The following DEPDC5 variants were observed in gnomAD, a reference collection of about 807,000 sequenced individuals.
The protein encoded by DEPDC5 is GATOR1 complex protein DEPDC5.
In DEPDC5, 73 loss-of-function variants were observed where a neutral mutation model predicts 217.3. The observed-to-expected ratio is 0.34, with a 90% CI of 0.28 to 0.41. The LOEUF (loss-of-function observed/expected upper bound fraction) is 0.41, where lower values mean the gene tolerates loss of function less well. Among genes scored for constraint, DEPDC5 ranks in the 10% least tolerant of loss-of-function variants. The probability of loss-of-function intolerance (pLI) is 1.00; values close to 1 mark genes in which losing one functional copy is unlikely to be tolerated. For missense variants in DEPDC5, 1,675 were observed against 2,070.1 expected, an observed-to-expected ratio of 0.81 and a Z score of 3.70; for synonymous variants, 733 against 756.7, an observed-to-expected ratio of 0.97 and a Z score of 0.51.
intron 12 of DEPDC5, among the ~76,000 whole-genome samples, chr22:31,796,099 CTTTT>C (rs60336012): frequency 2.4e-5 from 3 of 127,534 alleles, no homozygotes; most frequent in African/African-American, 3.1e-5. Context: ...TCCACAGTAT[CTTTT>C]TTTTTTTTTT....
intron 33 of DEPDC5, among the ~76,000 whole-genome samples, chr22:31,868,348 A>G (rs1040003228): frequency 1.3e-5 from 2 of 152,218 alleles, no homozygotes; most frequent in Non-Finnish European, 2.9e-5. Flanking sequence ...TGCACAGGAC[A>G]GCCCCCCACA....
intron 31 of DEPDC5, among the ~76,000 whole-genome samples, chr22:31,855,488 T>C (rs2092250905): frequency 6.6e-6 from 1 of 151,708 alleles, no homozygotes; most frequent in South Asian, 2.1e-4. Context: ...GCCATTCTCC[T>C]GCCTCAGCCT....
At chr22:31,848,348 G>C (rs1307913962) in intron 31 of DEPDC5, among the ~76,000 whole-genome samples, 1 of 152,202 alleles carries the variant, frequency 6.6e-6, no homozygotes, top group African/African-American at 2.4e-5. Context: ...TGCCCTAGCA[G>C]AGGTTCTCCA....
At chr22:31,799,901 C>T (rs879640569) in intron 14 of DEPDC5, among the ~76,000 whole-genome samples, 2 of 141,284 alleles carry the variant, frequency 1.4e-5, no homozygotes, top group East Asian at 4.4e-4. Flanking sequence ...CTCCCAGGTT[C>T]AAGCGATTCT....
intron 31 of DEPDC5, among the ~76,000 whole-genome samples, chr22:31,854,587 T>G (rs2092193524): frequency 6.6e-6 from 1 of 152,226 alleles, no homozygotes; most frequent in South Asian, 2.1e-4. Flanking sequence ...TAGTCTCTGA[T>G]GAATGAATGG....
intron 38 of DEPDC5, among the ~76,000 whole-genome samples, chr22:31,883,834 C>A (rs1390346788): frequency 1.3e-5 from 2 of 152,142 alleles, no homozygotes; most frequent in Non-Finnish European, 2.9e-5. Context: ...GTGGCTTCTG[C>A]CCTGTGATGA....
rs367633179 is a variant in DEPDC5 at position 31,855,630 on chromosome 22, G to A, written c.3156-1815G>A. On this transcript the variant is annotated intron_variant, in intron 31 of 42. Transcript: ENST00000651528. ...CTTGACCTCGTGATCCGCCTGCCTC[G>A]GCCTCCCAAAGTGCTGGGATTACAG... 9.9e-5 allele frequency among the ~76,000 whole-genome samples: 15 copies of A among 151,800 alleles called. No homozygotes were observed. In the East Asian group the frequency reaches 1.4e-3, roughly 14 times the overall value.
At chr22:31,885,641 C>A (rs546257318) in intron 38 of DEPDC5, among the ~76,000 whole-genome samples, 1 of 149,444 alleles carries the variant, frequency 6.7e-6, no homozygotes, top group Non-Finnish European at 1.5e-5. Context: ...AGGAGAATGG[C>A]GTGAACCTGG....
At chr22:31,830,630 CGTGTGTGTGTGTGT>C (rs34078350) in intron 24 of DEPDC5, among the ~76,000 whole-genome samples, 1,887 of 142,554 alleles carry the variant, frequency 0.013, 49 homozygotes, top group African/African-American at 0.046. Flanking sequence ...TATGCGTGTA[CGTGTGTGTGTGTGT>C]GTGTGTGTGT....
intron 25 of DEPDC5, 57 bp from the exon 26 acceptor site, chr22:31,836,915 C>A: frequency 1.3e-6 from 2 of 1,507,486 alleles, no homozygotes; most frequent in South Asian, 1.2e-5. Context: ...CCTGGCCCCC[C>A]ATCCCACACT....
chr22:31,852,264 G>T (rs2092066590), intron 31 of DEPDC5, among the ~76,000 whole-genome samples: 1 of 151,972 alleles, frequency 6.6e-6, no homozygotes, highest in South Asian at 2.1e-4. Flanking sequence ...CGGCTTCAGT[G>T]AGAATCATCT....
intron 31 of DEPDC5, among the ~76,000 whole-genome samples, chr22:31,850,480 T>C (rs2091966613): frequency 1.3e-5 from 2 of 152,220 alleles, no homozygotes; most frequent in Admixed American, 6.5e-5. Flanking sequence ...CTGTGCCTAA[T>C]TTATAAATGA....
intron 35 of DEPDC5, chr22:31,873,887 G>A (rs1403774284): frequency 1.3e-5 from 3 of 237,164 alleles, no homozygotes; most frequent in African/African-American, 7.3e-5. Context: ...CCACCTCCCA[G>A]GTTCAAGTGA....
At chr22:31,881,596 G>A (rs997251539) in intron 38 of DEPDC5, among the ~76,000 whole-genome samples, 2 of 152,018 alleles carry the variant, frequency 1.3e-5, no homozygotes, top group Non-Finnish European at 2.9e-5. Flanking sequence ...GAGACCTAAG[G>A]CCTTTGAATA....
At chr22:31,826,905 T>TC (rs1228600727) in intron 24 of DEPDC5, among the ~76,000 whole-genome samples, 1 of 151,936 alleles carries the variant, frequency 6.6e-6, no homozygotes. Context: ...TAGTTTTTTT[T>TC]TTTTTTTTTA....
rs79660828 is a variant in DEPDC5 at position 31,758,386 on chromosome 22, T to C, written c.59-160T>C. Reference sequence around the variant, plus strand: ...GCTGCTGTGTAGCTTGGTGTTCCTGTGTGAATCCATTAGTCATTGTAAGCC... The same window carrying C: ...GCTGCTGTGTAGCTTGGTGTTCCTGCGTGAATCCATTAGTCATTGTAAGCC... On this transcript the variant is annotated intron_variant, in intron 2 of 42. Coordinates refer to ENST00000651528, the MANE Select transcript of DEPDC5 (RefSeq NM_001242896.3). 1,443 of 641,708 alleles carry C rather than the reference T, an allele frequency of 2.2e-3. 12 individuals are homozygous for C. Among genetic ancestry groups the C allele is most frequent in the African/African-American group, 0.018 (1,025 of 56,014 alleles). The allele number at this position is 641,708 out of a possible 1,614,324, so 39.8% of individuals were successfully genotyped here.
chr22:31,805,062 T>G (rs1289749814), intron 17 of DEPDC5, 147 bp downstream of exon 17: 3 of 709,852 alleles, frequency 4.2e-6, no homozygotes, highest in South Asian at 3.6e-5. Flanking sequence ...TGCTCAAAGC[T>G]CTGTACACAC....
chr22:31,846,772 ATGAG>A, intron 30 of DEPDC5, 58 bp from the exon 31 acceptor site: 16 of 1,611,326 alleles, frequency 9.9e-6, no homozygotes, highest in African/African-American at 1.3e-5. Context: ...GCCCTGGGGC[ATGAG>A]TGGCTTCCAC....
intron 21 of DEPDC5, chr22:31,815,746 G>T: frequency 9.5e-7 from 1 of 1,056,614 alleles, no homozygotes; most frequent in Middle Eastern, 3.4e-4. Flanking sequence ...TCCCAGGCTG[G>T]TCTTGAACTC....
Sources: gnomAD v4.1 joint callset for allele counts (sites outside exome capture counted in the v4.1 genomes callset) on GRCh38, gnomAD v4.1.1 for gene constraint, MANE v1.5 for transcripts, NCBI Gene and HGNC (gene_info 2026-07-23, HGNC 2026-07-21) for gene names.